DENND1A: variants seen among roughly 807,000 people sequenced by gnomAD.
DENND1A encodes DENN domain containing 1A.
In DENND1A, 51 loss-of-function variants were observed where a neutral mutation model predicts 113.7. That is an observed-to-expected ratio of 0.45 (90% confidence interval 0.36 to 0.57). The LOEUF (loss-of-function observed/expected upper bound fraction) is 0.57, where lower values mean the gene tolerates loss of function less well. Among genes scored for constraint, DENND1A ranks in the 20% least tolerant of loss-of-function variants. The probability of loss-of-function intolerance (pLI) is 0.00; values close to 1 mark genes in which losing one functional copy is unlikely to be tolerated. For synonymous variants in DENND1A, 565 were observed against 570.8 expected (o/e 0.99, Z 0.14); for missense variants, 1,258 against 1,395.9 (o/e 0.90, Z 1.57).
At chr9:123,685,509 T>C (rs1402197060) in intron 5 of DENND1A, among the ~76,000 whole-genome samples, 1 of 152,250 alleles carries the variant, frequency 6.6e-6, no homozygotes, top group Non-Finnish European at 1.5e-5. Context: ...TGTGCTTATA[T>C]AAATCTACCC....
intron 3 of DENND1A, among the ~76,000 whole-genome samples, chr9:123,789,072 T>C (rs910252320): frequency 6.6e-6 from 1 of 151,688 alleles, no homozygotes; most frequent in Non-Finnish European, 1.5e-5. Context: ...GTTTTTTTTT[T>C]TTTCTTTTAA....
chr9:123,662,778 T>C (rs1283668374), intron 8 of DENND1A, among the ~76,000 whole-genome samples: 1 of 152,194 alleles, frequency 6.6e-6, no homozygotes, highest in Admixed American at 6.5e-5. Context: ...CTCATTAAAA[T>C]GTAAACATTA....
intron 12 of DENND1A, among the ~76,000 whole-genome samples, chr9:123,563,694 AGG>A (rs1035964978): frequency 1.3e-4 from 20 of 152,202 alleles, no homozygotes; most frequent in African/African-American, 4.8e-4. Context: ...CTAAAACAAG[AGG>A]TTATATCATG....
intron 13 of DENND1A, chr9:123,461,935 G>C (rs182493059): frequency 2.0e-5 from 3 of 152,278 alleles, no homozygotes; most frequent in African/African-American, 7.2e-5. Flanking sequence ...GGGGTGGGGG[G>C]TAAAGTGTCC....
In DENND1A at chr9:123,683,469, T is replaced by C. The variant is rs562406688; in HGVS notation, c.303-6680A>G. ...AAATTATAACCTCCTCTCCCCACAATACTTGATGCATTATTCTTTCTAAGA... is the reference window on the plus strand; with the variant it reads ...AAATTATAACCTCCTCTCCCCACAACACTTGATGCATTATTCTTTCTAAGA... On this transcript the variant is annotated intron_variant, in intron 5 of 23. Coordinates refer to ENST00000394215, the MANE Select transcript of DENND1A (RefSeq NM_001352964.2). 2.6e-5 allele frequency among the ~76,000 whole-genome samples: 4 copies of C among 152,322 alleles called. No individual in the cohort carries two copies. In the South Asian group the frequency reaches 8.3e-4, roughly 32 times the overall value.
At chr9:123,609,976 G>A (rs931342093) in intron 10 of DENND1A, among the ~76,000 whole-genome samples, 1 of 152,242 alleles carries the variant, frequency 6.6e-6, no homozygotes. Context: ...GTCATCAAGA[G>A]ATGTGATCTA....
At chr9:123,516,200 T>C (rs1423559510) in intron 13 of DENND1A, among the ~76,000 whole-genome samples, 1 of 150,572 alleles carries the variant, frequency 6.6e-6, no homozygotes, top group Admixed American at 6.6e-5. Context: ...GAAACAAATA[T>C]GACAAAATGT....
chr9:123,708,398 T>A (rs909464445), intron 5 of DENND1A, among the ~76,000 whole-genome samples: 1 of 152,186 alleles, frequency 6.6e-6, no homozygotes, highest in African/African-American at 2.4e-5. Flanking sequence ...CTATATTAAT[T>A]ACATATTTAT....
In DENND1A at chr9:123,761,944, G is replaced by T. The variant is rs1381691241; in HGVS notation, c.183-4122C>A. Among the ~76,000 whole-genome samples, 8 of 152,298 alleles carry T rather than the reference G, an allele frequency of 5.3e-5. No individual in the cohort carries two copies. The East Asian group carries it at 1.5e-3, about 29-fold the overall frequency. On this transcript the variant is annotated intron_variant, in intron 4 of 23. Coordinates refer to ENST00000394215, the MANE Select transcript of DENND1A (RefSeq NM_001352964.2). ...ATCCATAATTTCCAAAGGAACCAGAGATTTCAGGATGATGGAAGCTAGGAG... is the reference window on the plus strand; with the variant it reads ...ATCCATAATTTCCAAAGGAACCAGATATTTCAGGATGATGGAAGCTAGGAG...
chr9:123,706,955 A>T (rs73579215), intron 5 of DENND1A, among the ~76,000 whole-genome samples: 16,661 of 152,122 alleles, frequency 0.11, 1,248 homozygotes, highest in African/African-American at 0.2. Flanking sequence ...AATGCCTATC[A>T]GATAGCCAAG....
rs1233603701 is a variant in DENND1A, at chr9:123,577,555, AATGTT to A, written c.867+5609_867+5613del. On this transcript the variant is annotated intron_variant, in intron 12 of 23. Transcript: ENST00000394215. ...TTAAAATAAGATGTTAGATACTGTGAATGTTATGTTATCGAATATTGGATTGTGTT... is the reference window on the plus strand; with the variant it reads ...TTAAAATAAGATGTTAGATACTGTGAATGTTATCGAATATTGGATTGTGTT... Among the ~76,000 whole-genome samples, 4 of 152,310 alleles carry A rather than the reference AATGTT, an allele frequency of 2.6e-5. No homozygotes were observed. In the East Asian group the frequency reaches 7.7e-4, roughly 29 times the overall value.
chr9:123,412,660 T>C (rs2044400213), intron 19 of DENND1A, among the ~76,000 whole-genome samples: 1 of 152,232 alleles, frequency 6.6e-6, no homozygotes, highest in South Asian at 2.1e-4. Flanking sequence ...CCCTTTATCT[T>C]GAACGCCCAG....
intron 2 of DENND1A, among the ~76,000 whole-genome samples, chr9:123,812,072 T>TA (rs1836712574): frequency 6.6e-6 from 1 of 152,182 alleles, no homozygotes; most frequent in South Asian, 2.1e-4. Context: ...CTTATCCCAT[T>TA]ATCCTCCTCC....
intron 5 of DENND1A, among the ~76,000 whole-genome samples, chr9:123,703,902 T>C (rs2066026109): frequency 2.0e-5 from 3 of 152,248 alleles, no homozygotes; most frequent in Admixed American, 1.3e-4. Flanking sequence ...TACATCTGTA[T>C]ACATTTGTCA....
chr9:123,514,459 A>T (rs1466573555), intron 13 of DENND1A, among the ~76,000 whole-genome samples: 3 of 151,980 alleles, frequency 2.0e-5, no homozygotes, highest in Non-Finnish European at 4.4e-5. Flanking sequence ...TTAGAGCCTG[A>T]GGTGAGGAAG....
chr9:123,642,610 C>T (rs2062086893), intron 9 of DENND1A, among the ~76,000 whole-genome samples: 1 of 152,150 alleles, frequency 6.6e-6, no homozygotes, highest in South Asian at 2.1e-4. Flanking sequence ...TAAATTTAGT[C>T]TTAGAATTCT....
chr9:123,685,417 T>C (rs1380748291), intron 5 of DENND1A, among the ~76,000 whole-genome samples: 1 of 152,244 alleles, frequency 6.6e-6, no homozygotes, highest in Non-Finnish European at 1.5e-5. Context: ...CTATTATATC[T>C]ATGCAGGAAA....
At chr9:123,817,716 A>C (rs1042072856) in intron 2 of DENND1A, among the ~76,000 whole-genome samples, 1 of 152,204 alleles carries the variant, frequency 6.6e-6, no homozygotes, top group East Asian at 1.9e-4. Context: ...AGGTAACTCA[A>C]CTTTTAGAAA....
intron 12 of DENND1A, among the ~76,000 whole-genome samples, chr9:123,578,959 C>G (rs1384180696): frequency 6.6e-6 from 1 of 152,098 alleles, no homozygotes; most frequent in Non-Finnish European, 1.5e-5. Context: ...AAAAGAAATG[C>G]TGCATACAAA....
Sources: allele counts gnomAD v4.1 joint callset (sites outside exome capture counted in the v4.1 genomes callset), GRCh38; gene constraint gnomAD v4.1.1; transcripts MANE v1.5; gene names NCBI Gene and HGNC (gene_info 2026-07-23, HGNC 2026-07-21).